ZNF728: variants seen among roughly 807,000 people sequenced by gnomAD.
ZNF728 encodes zinc finger protein 728.
In ZNF728, 12 loss-of-function variants were observed where a neutral mutation model predicts 12.5. That is an observed-to-expected ratio of 0.96 (90% CI 0.61 to 1.55). The LOEUF is 1.55. Ranked by LOEUF, ZNF728 falls within the 40% of genes most tolerant of loss-of-function variation. ZNF728 has a pLI of 0.00. For missense variants in ZNF728, 692 were observed against 719.2 expected, an observed-to-expected ratio of 0.96 and a Z score of 0.43; for synonymous variants, 205 against 240.7, an observed-to-expected ratio of 0.85 and a Z score of 1.37.
At chr19:22,980,653 T>C (rs1206411891) in intron 3 of ZNF728, among the ~76,000 whole-genome samples, 4 of 152,052 alleles carry the variant, frequency 2.6e-5, no homozygotes, top group Non-Finnish European at 4.4e-5. Context: ...TCAGCAAATG[T>C]AAAAGAATGG....
rs764465352 is a variant in ZNF728, at chr19:22,975,750, A to C, written c.1587T>G (p.Ile529Met). The change falls in exon 4 of 4, where the codon ATT (isoleucine) becomes ATG (methionine). Residue 529 changes from isoleucine to methionine, a missense_variant. Transcript: ENST00000594710. ...ATTTGTATTGTTTCTCTCCAGTATG[A>C]ATTACCTTATGTTTAGTAAGGTTTG... is the stretch of plus-strand genomic sequence containing the variant. Reference protein sequence around the residue: ...KVANLTKHKVIHTGEKQYKCE... With the variant: ...KVANLTKHKVMHTGEKQYKCE... The C allele has an allele frequency of 3.1e-6, 5 of 1,611,694 alleles. No individual in the cohort carries two copies. The highest frequency in any genetic ancestry group is 4.2e-6 in the Non-Finnish European group (5 of 1,179,874).
Position 22,990,428 on chromosome 19 carries a change from A to G in ZNF728, c.4-1977T>C, listed in dbSNP as rs543321381. Among the ~76,000 whole-genome samples, 5 of 152,316 alleles carry G rather than the reference A, an allele frequency of 3.3e-5. No homozygotes were observed. The East Asian group carries it at 9.7e-4, about 29-fold the overall frequency. ...TCCACAGGCAGAAGGACCAAGACAG[A>G]AAAACTCCACCCAATTCTGTCCTTT... is the stretch of plus-strand genomic sequence containing the variant. On this transcript the variant is annotated intron_variant, in intron 1 of 3. Coordinates refer to ENST00000594710, the MANE Select transcript of ZNF728 (RefSeq NM_001267716.2).
At chr19:22,985,569 G>A (rs367775628) in intron 3 of ZNF728, 5 of 152,180 alleles carry the variant, frequency 3.3e-5, no homozygotes, top group African/African-American at 7.2e-5. Context: ...CTTTCATTCA[G>A]GTGGCAAACT....
chr19:22,980,198 G>T (rs201061855), intron 3 of ZNF728, among the ~76,000 whole-genome samples: 2 of 94,358 alleles, frequency 2.1e-5, no homozygotes, highest in Admixed American at 9.4e-5. Context: ...AAAAAAAAAA[G>T]AAACAAAAAA....
At chr19:22,996,080 A>C (rs1159235841) in intron 1 of ZNF728, among the ~76,000 whole-genome samples, 1 of 152,196 alleles carries the variant, frequency 6.6e-6, no homozygotes, top group African/African-American at 2.4e-5. Flanking sequence ...GCAACGATTT[A>C]ATGGTAAATT....
At chr19:22,977,239 C>G (rs944986489) in intron 3 of ZNF728, 129 bp from the exon 4 acceptor site, 18 of 851,678 alleles carry the variant, frequency 2.1e-5, no homozygotes, top group Non-Finnish European at 3.1e-5. Flanking sequence ...CCTAATTCTT[C>G]ACAGACATAT....
chr19:22,990,291 C>G (rs1452527261), intron 1 of ZNF728, among the ~76,000 whole-genome samples: 1 of 151,998 alleles, frequency 6.6e-6, no homozygotes, highest in African/African-American at 2.4e-5. Context: ...TCTCTTTCTC[C>G]TCCTTTTCTA....
In ZNF728 at chr19:22,975,479, G is replaced by A; in HGVS notation, c.1858C>T (p.Leu620=). The A allele has an allele frequency of 6.5e-7, 1 of 1,544,922 alleles. No individual in the cohort carries two copies. The highest frequency in any genetic ancestry group is 8.7e-7 in the Non-Finnish European group (1 of 1,150,132). The change falls in exon 4 of 4, where the codon CTA becomes TTA. Residue 620 remains leucine, a synonymous_variant. Coordinates refer to ENST00000594710, the MANE Select transcript of ZNF728 (RefSeq NM_001267716.2). ...CTTTGCCACATTTTTCACATTTGTA[G>A]GGTTTTTCCTCCAGTATGAATTCTC... ...HKRIHTGGKT[L]QM
At chr19:22,983,391 C>T (rs1968881080) in intron 3 of ZNF728, among the ~76,000 whole-genome samples, 1 of 152,160 alleles carries the variant, frequency 6.6e-6, no homozygotes, top group Non-Finnish European at 1.5e-5. Context: ...AGTAGGAATG[C>T]TTTTACACTG....
rs745907929 is a variant in ZNF728, at chr19:22,975,811, T to C, written c.1526A>G (p.Lys509Arg). 6.2e-7 allele frequency: 1 copy of C among 1,612,438 alleles called. No homozygotes were observed. Among genetic ancestry groups the C allele is most frequent in the South Asian group, 1.1e-5 (1 of 91,074 alleles). ...KRIHTGEKPY[K>R]CEECGKAFSK... ...GAAGGCTTTGCCACATTCTTCACAT[T>C]TGTAGGGTTTCTCTCCAGTATGAAT... Residue 509 changes from lysine to arginine, a missense_variant, in exon 4 of 4, where the codon AAA (lysine) becomes AGA (arginine). By Grantham distance (26) the Lys-to-Arg change is conservative. This residue lies in a region of ZNF728 where 244 missense variants were observed against 235.2 expected (regional missense o/e 1.04). Coordinates refer to ENST00000594710, the MANE Select transcript of ZNF728 (RefSeq NM_001267716.2).
rs1968939668 is a variant in ZNF728 at position 22,988,194 on chromosome 19, C to T, written c.130+131G>A. 2.6e-6 allele frequency: 4 copies of T among 1,514,296 alleles called. No individual in the cohort carries two copies. The Admixed American group carries it at 6.5e-5, about 25-fold the overall frequency. 93.8% of individuals were successfully genotyped at this position (1,514,296 alleles called of 1,614,324 possible). A position where few individuals can be genotyped will look rare whatever the true frequency, so the allele number is the denominator to read the frequency against. ...ACTAGAAGCAAAGAGCCCCCTGGTG[C>T]CGTCTTCCAAATATACTCTTTTGTC... On this transcript the variant is annotated intron_variant, in intron 2 of 3. Coordinates refer to ENST00000594710, the MANE Select transcript of ZNF728 (RefSeq NM_001267716.2).
chr19:22,999,708 T>C (rs902687327), intron 1 of ZNF728, among the ~76,000 whole-genome samples: 10 of 152,214 alleles, frequency 6.6e-5, no homozygotes, highest in Admixed American at 5.2e-4. Context: ...AGCAAATGTA[T>C]TTATTTCTTT....
intron 1 of ZNF728, among the ~76,000 whole-genome samples, chr19:22,998,196 C>T (rs1262665816): frequency 6.6e-6 from 1 of 152,068 alleles, no homozygotes; most frequent in Non-Finnish European, 1.5e-5. Context: ...CGGAATCAAC[C>T]TAAATGCCTA....
chr19:22,984,557 CAAAAA>C (rs398040954), intron 3 of ZNF728, among the ~76,000 whole-genome samples: 1 of 77,038 alleles, frequency 1.3e-5, no homozygotes, highest in Non-Finnish European at 2.6e-5. Flanking sequence ...GACTCCATCT[CAAAAA>C]AAAAAAAAAA....
At chr19:22,988,159 GC>G (rs1713779468) in intron 2 of ZNF728, among the ~76,000 whole-genome samples, 165 bp downstream of exon 2, 1 of 151,948 alleles carries the variant, frequency 6.6e-6, no homozygotes, top group African/African-American at 2.4e-5. Flanking sequence ...GAAGCTCAGG[GC>G]CCTTGTTCAC....
At chr19:22,998,579 T>C (rs1969074463) in intron 1 of ZNF728, among the ~76,000 whole-genome samples, 1 of 152,170 alleles carries the variant, frequency 6.6e-6, no homozygotes, top group Non-Finnish European at 1.5e-5. Flanking sequence ...GTTTAAAAAT[T>C]GGGGACTCCC....
At chr19:22,998,072 T>C (rs1354634201) in intron 1 of ZNF728, among the ~76,000 whole-genome samples, 1 of 152,128 alleles carries the variant, frequency 6.6e-6, no homozygotes, top group Non-Finnish European at 1.5e-5. Flanking sequence ...AAAATTACCA[T>C]TTGACCCAGT....
Position 22,975,536 on chromosome 19 carries a change from A to G in ZNF728, c.1801T>C (p.Phe601Leu), listed in dbSNP as rs1452002717. ...FYKCEECGKD[F>L]NQSSHLTTHK... ...GTAGTAAGGTGTGAGGATTGGTTGA[A>G]GTCTTTACCACATTCTTCACATTTG... The change falls in exon 4 of 4, where the codon TTC becomes CTC. Residue 601 changes from phenylalanine (F) to leucine (L), a missense_variant. Coordinates refer to ENST00000594710, the MANE Select transcript of ZNF728 (RefSeq NM_001267716.2). 1 of 1,575,092 alleles carries G rather than the reference A, an allele frequency of 6.3e-7. No homozygotes were observed.
intron 1 of ZNF728, among the ~76,000 whole-genome samples, chr19:22,994,762 T>C (rs1351936702): frequency 6.6e-6 from 1 of 152,210 alleles, no homozygotes; most frequent in Non-Finnish European, 1.5e-5. Flanking sequence ...TCGGGTGCTA[T>C]CTTTTTGGCT....
Sources: gnomAD v4.1 joint callset for allele counts (sites outside exome capture counted in the v4.1 genomes callset) on GRCh38, gnomAD v4.1.1 for gene constraint, gnomAD v4.1.1 regional missense constraint, MANE v1.5 for transcripts, NCBI Gene and HGNC (gene_info 2026-07-23, HGNC 2026-07-21) for gene names.